Variants in PALM2AKAP2 observed in about 807,000 individuals in gnomAD.
The protein encoded by PALM2AKAP2 is PALM2-AKAP2 fusion protein.
A neutral mutation model predicts 71.5 loss-of-function variants in PALM2AKAP2; 37 were observed. The observed-to-expected ratio is 0.52, with a 90% CI of 0.40 to 0.68. The LOEUF (loss-of-function observed/expected upper bound fraction) is 0.68. Among genes scored for constraint, PALM2AKAP2 ranks in the 30% least tolerant of loss-of-function variants. PALM2AKAP2 has a pLI of 0.00. For missense variants in PALM2AKAP2, 1,224 were observed against 1,191.8 expected (o/e 1.03, Z -0.40); for synonymous variants, 468 against 478.8 (o/e 0.98, Z 0.29).
chr9:109,781,797 AG>A (rs1826806957), intron 1 of PALM2AKAP2, among the ~76,000 whole-genome samples: 1 of 152,194 alleles, frequency 6.6e-6, no homozygotes, highest in Non-Finnish European at 1.5e-5. Flanking sequence ...GAACTCAGAA[AG>A]GTTGTTTTTT....
chr9:109,720,913 G>A (rs970627471), intron 1 of PALM2AKAP2, among the ~76,000 whole-genome samples: 2 of 152,130 alleles, frequency 1.3e-5, no homozygotes, highest in South Asian at 2.1e-4. Flanking sequence ...AACAGGTTAC[G>A]TCCCTTCCCT....
At chr9:109,790,527 C>T (rs1372003074) in intron 1 of PALM2AKAP2, among the ~76,000 whole-genome samples, 2 of 152,126 alleles carry the variant, frequency 1.3e-5, no homozygotes, top group Admixed American at 6.5e-5. Flanking sequence ...GTGCTAATGT[C>T]GACAACTTTG....
intron 1 of PALM2AKAP2, among the ~76,000 whole-genome samples, chr9:109,657,892 G>T (rs1827329698): frequency 6.6e-6 from 1 of 151,404 alleles, no homozygotes; most frequent in Non-Finnish European, 1.5e-5. Context: ...GAAAGGGTCA[G>T]ACTTGGTGTA....
intron 1 of PALM2AKAP2, among the ~76,000 whole-genome samples, chr9:110,106,226 G>A (rs1166028213): frequency 3.9e-5 from 6 of 152,180 alleles, no homozygotes; most frequent in African/African-American, 4.8e-5. Context: ...AGACTCAAGT[G>A]GGACCACCCA....
intron 1 of PALM2AKAP2, 43 bp from the exon 8 acceptor site, chr9:110,136,084 G>C: frequency 6.6e-7 from 1 of 1,518,626 alleles, no homozygotes; most frequent in East Asian, 2.3e-5. Context: ...ATCCATAAGA[G>C]ATGCAGTATT....
intron 3 of PALM2AKAP2, among the ~76,000 whole-genome samples, chr9:109,897,436 C>T (rs111658139): frequency 3.9e-5 from 6 of 151,958 alleles, no homozygotes; most frequent in African/African-American, 1.2e-4. Context: ...AAAAATTAGC[C>T]GGGCATGGTG....
At chr9:109,878,184 C>T (rs1829760326) in intron 2 of PALM2AKAP2, among the ~76,000 whole-genome samples, 1 of 152,126 alleles carries the variant, frequency 6.6e-6, no homozygotes, top group Non-Finnish European at 1.5e-5. Flanking sequence ...TTGTACTGCC[C>T]TCTTTTACAC....
At chr9:109,964,661 C>T (rs1478237424) in intron 6 of PALM2AKAP2, among the ~76,000 whole-genome samples, 1 of 152,210 alleles carries the variant, frequency 6.6e-6, no homozygotes, top group Non-Finnish European at 1.5e-5. Flanking sequence ...CAGCCACCAT[C>T]ATATTGAGCT....
intron 1 of PALM2AKAP2, among the ~76,000 whole-genome samples, chr9:110,053,774 T>A (rs770561000): frequency 6.6e-6 from 1 of 152,062 alleles, no homozygotes; most frequent in Non-Finnish European, 1.5e-5. Flanking sequence ...GGTTTTTTGT[T>A]TGTTTTTTCT....
chr9:109,891,855 G>A (rs983211376), intron 3 of PALM2AKAP2, among the ~76,000 whole-genome samples: 1 of 152,154 alleles, frequency 6.6e-6, no homozygotes, highest in African/African-American at 2.4e-5. Context: ...GGGTCTATGG[G>A]TGCATATGAA....
chr9:110,094,877 A>C (rs1834800042), intron 1 of PALM2AKAP2, among the ~76,000 whole-genome samples: 1 of 152,252 alleles, frequency 6.6e-6, no homozygotes, highest in South Asian at 2.1e-4. Flanking sequence ...ACATTAAAGA[A>C]GTATTGTTAG....
rs574584523 is a variant in PALM2AKAP2 at position 110,064,151 on chromosome 9, A to T, written c.156+15296A>T. On this transcript the variant is annotated intron_variant, in intron 1 of 3. Transcript: ENST00000374525. ...TAGATGTTTACAAAACTCTAGAAAA[A>T]TCTTATCTCCTTGATATGAGATCCT... Among the ~76,000 whole-genome samples, 18 of 152,308 alleles carry T rather than the reference A, an allele frequency of 1.2e-4. No homozygotes were observed. The South Asian group carries it at 3.7e-3, about 32-fold the overall frequency.
chr9:110,072,615 A>T (rs1183874728), intron 1 of PALM2AKAP2, among the ~76,000 whole-genome samples: 6 of 152,200 alleles, frequency 3.9e-5, no homozygotes, highest in Admixed American at 3.9e-4. Flanking sequence ...AGGCGTAGTA[A>T]TCCTTGGGTG....
At chr9:109,757,733 A>G (rs1231100221) in intron 1 of PALM2AKAP2, among the ~76,000 whole-genome samples, 2 of 152,028 alleles carry the variant, frequency 1.3e-5, no homozygotes, top group Non-Finnish European at 2.9e-5. Flanking sequence ...CAACTTCATC[A>G]TTTACAGCAA....
chr9:109,969,087 T>TGC (rs1554731272), intron 6 of PALM2AKAP2, among the ~76,000 whole-genome samples: 1 of 46,006 alleles, frequency 2.2e-5, no homozygotes, highest in Non-Finnish European at 3.9e-5. Flanking sequence ...CAAATGTGCG[T>TGC]GCACACACAC....
intron 1 of PALM2AKAP2, among the ~76,000 whole-genome samples, chr9:110,099,353 T>C (rs1228798515): frequency 6.6e-6 from 1 of 152,224 alleles, no homozygotes; most frequent in African/African-American, 2.4e-5. Flanking sequence ...TACTGACATC[T>C]GGTACTTAGG....
At chr9:109,645,296 T>G (rs1827134215) in intron 1 of PALM2AKAP2, among the ~76,000 whole-genome samples, 1 of 152,032 alleles carries the variant, frequency 6.6e-6, no homozygotes, top group Admixed American at 6.6e-5. Context: ...CCACCAGATC[T>G]CATGAGACCC....
intron 1 of PALM2AKAP2, among the ~76,000 whole-genome samples, chr9:109,783,404 T>G (rs965361036): frequency 1.3e-5 from 2 of 151,556 alleles, no homozygotes; most frequent in African/African-American, 4.9e-5. Context: ...CCTGAAACCA[T>G]CCTCCCACCT....
intron 1 of PALM2AKAP2, among the ~76,000 whole-genome samples, chr9:109,664,591 A>T (rs1827450784): frequency 6.6e-6 from 1 of 152,168 alleles, no homozygotes; most frequent in South Asian, 2.1e-4. Flanking sequence ...TTTGTGGGTA[A>T]CTCAACCTTT....
Sources: allele counts gnomAD v4.1 joint callset (sites outside exome capture counted in the v4.1 genomes callset), GRCh38; gene constraint gnomAD v4.1.1; transcripts MANE v1.5; gene names NCBI Gene and HGNC (gene_info 2026-07-23, HGNC 2026-07-21).